SYNJ1: variants seen among roughly 807,000 people sequenced by gnomAD.
SYNJ1 encodes the protein synaptojanin 1, also known as polyphosphatidylinositol phosphatase SYNJ1.
In SYNJ1, 78 loss-of-function variants were observed where a neutral mutation model predicts 168.2. The observed-to-expected ratio is 0.46, with a 90% CI of 0.39 to 0.56. The LOEUF is 0.56. Among genes scored for constraint, SYNJ1 ranks in the 20% least tolerant of loss-of-function variants. The probability of loss-of-function intolerance (pLI) is 0.00; values close to 1 mark genes in which losing one functional copy is unlikely to be tolerated. For missense variants in SYNJ1, 1,303 were observed against 1,597.6 expected (o/e 0.82, Z 3.14); for synonymous variants, 539 against 548.6 (o/e 0.98, Z 0.24).
chr21:32,649,168 CG>C (rs1258672116), intron 23 of SYNJ1, among the ~76,000 whole-genome samples: 4 of 152,184 alleles, frequency 2.6e-5, no homozygotes, highest in African/African-American at 9.7e-5. Context: ...CTTACTTACA[CG>C]TAACACCCAA....
intron 2 of SYNJ1, among the ~76,000 whole-genome samples, chr21:32,714,500 T>C (rs988866019): frequency 7.9e-5 from 12 of 152,186 alleles, no homozygotes; most frequent in African/African-American, 2.9e-4. Flanking sequence ...GGCAGTTGCA[T>C]GGAATCTCAA....
At position 32,628,775 on chromosome 21, in the gene SYNJ1, A is replaced by C. The variant is rs2039215727; in HGVS notation, c.*3030T>G. 1 of 152,686 alleles carries C rather than the reference A, an allele frequency of 6.5e-6. No individual in the cohort carries two copies. The highest frequency in any genetic ancestry group is 2.1e-4 in the South Asian group (1 of 4,834). The allele number at this position is 152,686 out of a possible 1,614,324, so 9.5% of individuals were successfully genotyped here. A position where few individuals can be genotyped will look rare whatever the true frequency, so the allele number is the denominator to read the frequency against. ...AGAAGTCAGCATGGTAAAGACAGAT[A>C]TATTTATTTCATATGACAGCACGTT... On this transcript the variant is annotated 3_prime_UTR_variant, in exon 33 of 33. Coordinates refer to ENST00000674351, the MANE Select transcript of SYNJ1 (RefSeq NM_203446.3).
Position 32,645,648 on chromosome 21 carries a change from GA to G in SYNJ1, c.3388del (p.Ser1130GlnfsTer24). 1 of 1,530,860 alleles carries G rather than the reference GA, an allele frequency of 6.5e-7. No homozygotes were observed. Among genetic ancestry groups the G allele is most frequent in the Non-Finnish European group, 8.7e-7 (1 of 1,145,818 alleles). The allele number at this position is 1,530,860 out of a possible 1,614,324, so 94.8% of individuals were successfully genotyped here. A position where few individuals can be genotyped will look rare whatever the true frequency, so the allele number is the denominator to read the frequency against. The part of the protein sequence containing the change: ...PAPPQRPPPP[S>X]GARSPAPTRK... Reference sequence around the variant, plus strand: ...AAATGGAAATAAAAGGTTGTCACCTGAAGGCGGAGGAGGTCTCTGTGGGGGA... The same window carrying G: ...AAATGGAAATAAAAGGTTGTCACCTGAGGCGGAGGAGGTCTCTGTGGGGGA... On this transcript the variant is annotated frameshift_variant, in exon 25 of 33. Transcript: ENST00000674351. LOFTEE classifies it high-confidence loss of function.
In SYNJ1 at chr21:32,726,796, C is replaced by T; in HGVS notation, c.100G>A (p.Glu34Lys). 6.2e-7 allele frequency: 1 copy of T among 1,614,158 alleles called. No individual in the cohort carries two copies. The highest frequency in any genetic ancestry group is 8.5e-7 in the Non-Finnish European group (1 of 1,180,040). Residue 34 changes from glutamate (E) to lysine (K), a missense_variant, in exon 2 of 33, where the codon GAG becomes AAG. Physicochemically the swap from Glu to Lys is moderately conservative, Grantham distance 56. Transcript: ENST00000674351. ...TRHKEECLMF[E>K]SGAVAVLSSA... ...CAGAGCACAGCGACAGCCCCAGACT[C>T]GAACATGAGACATTCTTCCTTATGC...
At chr21:32,695,678 T>TA in intron 4 of SYNJ1, among the ~76,000 whole-genome samples, 1 of 149,952 alleles carries the variant, frequency 6.7e-6, no homozygotes, top group African/African-American at 2.4e-5. Context: ...TTTATTTATT[T>TA]TTGAGATGGA....
intron 2 of SYNJ1, among the ~76,000 whole-genome samples, chr21:32,709,396 G>A (rs1468254006): frequency 7.0e-6 from 1 of 141,950 alleles, no homozygotes; most frequent in African/African-American, 2.6e-5. Context: ...AGAATCACTT[G>A]AAGCCGGCAG....
In SYNJ1 at chr21:32,695,094, T is replaced by A; in HGVS notation, c.668A>T (p.Asp223Val). 6.2e-7 allele frequency: 1 copy of A among 1,614,184 alleles called. No individual in the cohort carries two copies. Among genetic ancestry groups the A allele is most frequent in the Non-Finnish European group, 8.5e-7 (1 of 1,180,020 alleles). ...TACAAAATTGGCAACATGACCATCATCATTTGTTCCCCGGACATTAAACCT... is the reference window on the plus strand; with the variant it reads ...TACAAAATTGGCAACATGACCATCAACATTTGTTCCCCGGACATTAAACCT... ...GTRFNVRGTN[D>V]DGHVANFVET... The change falls in exon 5 of 33, where the codon GAT becomes GTT. Residue 223 changes from aspartate to valine, a missense_variant. Transcript: ENST00000674351.
At chr21:32,699,206 C>T (rs762557430) in intron 4 of SYNJ1, among the ~76,000 whole-genome samples, 2 of 152,180 alleles carry the variant, frequency 1.3e-5, no homozygotes, top group African/African-American at 2.4e-5. Flanking sequence ...AGTACAAGTA[C>T]ACTCCAAGAA....
In SYNJ1 at chr21:32,685,368, CTTGAGCCCAGGAGT is replaced by C. The variant is rs1309882433; in HGVS notation, c.1118+366_1118+379del. Among the ~76,000 whole-genome samples, 21 of 143,196 alleles carry C rather than the reference CTTGAGCCCAGGAGT, an allele frequency of 1.5e-4. No individual in the cohort carries two copies. In the East Asian group the frequency reaches 4.2e-3, roughly 29 times the overall value. The allele number at this position is 143,196 out of a possible 152,430, so 93.9% of individuals were successfully genotyped here. On this transcript the variant is annotated intron_variant, in intron 9 of 32. Coordinates refer to ENST00000674351, the MANE Select transcript of SYNJ1 (RefSeq NM_203446.3). ...TTGGGAGGCTGAGGCAGGTGGATCA[CTTGAGCCCAGGAGT>C]TTGAGCCCAGCCAGGGCAATACAGG...
intron 27 of SYNJ1, among the ~76,000 whole-genome samples, chr21:32,643,143 G>A (rs2039914278): frequency 6.6e-6 from 1 of 151,982 alleles, no homozygotes; most frequent in Non-Finnish European, 1.5e-5. Context: ...TTCACAACCT[G>A]GGCATATATA....
intron 6 of SYNJ1, among the ~76,000 whole-genome samples, chr21:32,690,532 A>G (rs777419848): frequency 6.6e-6 from 1 of 152,232 alleles, no homozygotes; most frequent in East Asian, 1.9e-4. Flanking sequence ...GCTATTGCCA[A>G]TCGTGATAAA....
intron 29 of SYNJ1, among the ~76,000 whole-genome samples, chr21:32,640,106 C>T (rs1024164619): frequency 6.6e-6 from 1 of 151,970 alleles, no homozygotes; most frequent in African/African-American, 2.4e-5. Context: ...TACAACTTGC[C>T]CAAAGCCACA....
intron 9 of SYNJ1, among the ~76,000 whole-genome samples, chr21:32,685,370 T>A: frequency 6.9e-6 from 1 of 143,972 alleles, no homozygotes; most frequent in South Asian, 2.2e-4. Context: ...GTGGATCACT[T>A]GAGCCCAGGA....
At chr21:32,634,615 T>TGAAAA (rs2039481443) in intron 32 of SYNJ1, among the ~76,000 whole-genome samples, 1 of 152,190 alleles carries the variant, frequency 6.6e-6, no homozygotes, top group Admixed American at 6.5e-5. Context: ...ACTTTTTAGT[T>TGAAAA]TTGTTAATTT....
rs1376779658 is a variant in SYNJ1, at chr21:32,727,955, C to T, written c.-32G>A. The T allele has an allele frequency of 4.6e-6, 7 of 1,533,774 alleles. No individual in the cohort carries two copies. Among genetic ancestry groups the T allele is most frequent in the East Asian group, 2.5e-5 (1 of 40,646 alleles). On this transcript the variant is annotated 5_prime_UTR_variant, in exon 1 of 33. Coordinates refer to ENST00000674351, the MANE Select transcript of SYNJ1 (RefSeq NM_203446.3). ...CCGCCGGCTTGCTCACCTCTTCCTC[C>T]GGCTCCTCCTCCTCCTTCTCCCGCA...
chr21:32,678,647 C>G lies in SYNJ1; in HGVS notation c.1508G>C (p.Arg503Pro). ...ARALLTTGSL[R>P]VSEQTLQSAS... ...AATAAAATATAAAGTGCACATACCACGCAAACTTCCAGTAGTTAAAAGTGC... is the reference window on the plus strand; with the variant it reads ...AATAAAATATAAAGTGCACATACCAGGCAAACTTCCAGTAGTTAAAAGTGC... Residue 503 changes from arginine (R) to proline (P), a missense_variant and splice_region_variant, in exon 12 of 33, where the codon CGT becomes CCT. By Grantham distance (103) the Arg-to-Pro change is moderately radical (BLOSUM62 -2). Coordinates refer to ENST00000674351, the MANE Select transcript of SYNJ1 (RefSeq NM_203446.3). The G allele has an allele frequency of 6.2e-7, 1 of 1,601,274 alleles. No individual in the cohort carries two copies. The highest frequency in any genetic ancestry group is 1.1e-5 in the South Asian group (1 of 88,366).
chr21:32,665,368 T>C (rs949140130), intron 17 of SYNJ1, among the ~76,000 whole-genome samples: 1 of 152,210 alleles, frequency 6.6e-6, no homozygotes, highest in Non-Finnish European at 1.5e-5. Flanking sequence ...AGGAAATTCC[T>C]TGTGGACAAA....
In SYNJ1 at chr21:32,665,072, C is replaced by A. The variant is rs1281749167; in HGVS notation, c.2146-1G>T. On this transcript the variant is annotated splice_acceptor_variant, in intron 17 of 32. Transcript: ENST00000674351. LOFTEE classifies it high-confidence loss of function. ...AGTCATGGGAAAATAGCATCCTTCC[C>A]TGAAAGCAATGAGATAGAATTTTAA... The A allele has an allele frequency of 6.3e-7, 1 of 1,582,326 alleles. No individual in the cohort carries two copies. Among genetic ancestry groups the A allele is most frequent in the Non-Finnish European group, 8.6e-7 (1 of 1,163,228 alleles).
At chr21:32,717,291 G>T (rs2043059014) in intron 2 of SYNJ1, among the ~76,000 whole-genome samples, 1 of 151,836 alleles carries the variant, frequency 6.6e-6, no homozygotes, top group South Asian at 2.1e-4. Flanking sequence ...GTCTTAACAG[G>T]TTCATTTTTT....
Sources: gnomAD v4.1 joint callset for allele counts (sites outside exome capture counted in the v4.1 genomes callset) on GRCh38, gnomAD v4.1.1 for gene constraint, MANE v1.5 for transcripts, NCBI Gene and HGNC (gene_info 2026-07-23, HGNC 2026-07-21) for gene names.